EPB41: variants seen among roughly 807,000 people sequenced by gnomAD.
EPB41 encodes the protein erythrocyte membrane protein band 4.1.
EPB41 carries 65 observed loss-of-function variants against 108.0 expected under a neutral mutation model. The observed-to-expected ratio is 0.60, with a 90% CI of 0.49 to 0.74. The LOEUF (loss-of-function observed/expected upper bound fraction) is 0.74, where lower values mean the gene tolerates loss of function less well. EPB41 is among the 30% of genes least tolerant of loss of function. EPB41 has a pLI of 0.00. For synonymous variants in EPB41, 336 were observed against 358.9 expected (o/e 0.94, Z 0.72); for missense variants, 875 against 1,037.0 (o/e 0.84, Z 2.15).
In EPB41 at chr1:29,038,086, A is replaced by G. The variant is rs77075841; in HGVS notation, c.1464-1168A>G. Among the ~76,000 whole-genome samples the G allele has an allele frequency of 8.6e-3, 1,303 of 152,332 alleles. 11 individuals carry two copies. The highest frequency in any genetic ancestry group is 0.028 in the African/African-American group (1,164 of 41,576). On this transcript the variant is annotated intron_variant, in intron 10 of 20. Coordinates refer to ENST00000343067, the MANE Select transcript of EPB41 (RefSeq NM_001376013.1). Reference sequence around the variant, plus strand: ...AGAAAGAGAGAGAGAGATAATCCTGATATCTTTTCCTTCTATTTATATTTT... The same window carrying G: ...AGAAAGAGAGAGAGAGATAATCCTGGTATCTTTTCCTTCTATTTATATTTT...
Position 29,116,989 on chromosome 1 carries a change from C to T in EPB41, c.*177C>T, listed in dbSNP as rs1671127796. On this transcript the variant is annotated 3_prime_UTR_variant, in exon 21 of 21. Transcript: ENST00000343067. Reference sequence around the variant, plus strand: ...TATACCAAGAGATTCTTCTAGATCTCATTGATCCTTTTGAAGAGCTTTTTC... The same window carrying T: ...TATACCAAGAGATTCTTCTAGATCTTATTGATCCTTTTGAAGAGCTTTTTC... 6.6e-6 allele frequency: 1 copy of T among 152,198 alleles called. No individual in the cohort carries two copies. The highest frequency in any genetic ancestry group is 2.1e-4 in the South Asian group (1 of 4,830). The allele number at this position is 152,198 out of a possible 1,614,324, so 9.4% of individuals were successfully genotyped here. A position where few individuals can be genotyped will look rare whatever the true frequency, so the allele number is the denominator to read the frequency against.
Position 29,115,815 on chromosome 1 carries a change from TC to T in EPB41, c.*6+14del. On this transcript the variant is annotated intron_variant, in intron 20 of 20. Coordinates refer to ENST00000343067, the MANE Select transcript of EPB41 (RefSeq NM_001376013.1). The surrounding 1 kb of genome is among the most constrained non-coding windows in gnomAD (Gnocchi z 4.4). ...ATGAGTGAGCTCAGGTACTGGGCGTTCCTGCTGGGGCTGAGGGTGCCCACAG... is the reference window on the plus strand; with the variant it reads ...ATGAGTGAGCTCAGGTACTGGGCGTTCTGCTGGGGCTGAGGGTGCCCACAG... 6.2e-7 allele frequency: 1 copy of T among 1,605,928 alleles called. No individual in the cohort carries two copies. Among genetic ancestry groups the T allele is most frequent in the Non-Finnish European group, 8.5e-7 (1 of 1,172,780 alleles).
intron 16 of EPB41, chr1:29,069,861 A>T (rs1650463719): frequency 6.6e-6 from 1 of 152,198 alleles, no homozygotes; most frequent in South Asian, 2.1e-4. Flanking sequence ...TTTAGTAGAG[A>T]CGGGGTTTCA....
chr1:29,118,870 C>T lies in EPB41; in HGVS notation c.*2058C>T, dbSNP rs936735186. On this transcript the variant is annotated 3_prime_UTR_variant, in exon 21 of 21. Coordinates refer to ENST00000343067, the MANE Select transcript of EPB41 (RefSeq NM_001376013.1). ...GACAAGAAATGCAGCTTACATCAAA[C>T]GAACATGTAGTGCATGCCCACTGCC... 15 of 152,236 alleles carry T rather than the reference C, an allele frequency of 9.9e-5. No individual in the cohort carries two copies. The highest frequency in any genetic ancestry group is 6.2e-4 in the South Asian group (3 of 4,830). 9.4% of individuals were successfully genotyped at this position (152,236 alleles called of 1,614,324 possible). A position where few individuals can be genotyped will look rare whatever the true frequency, so the allele number is the denominator to read the frequency against.
At chr1:28,922,528 G>A (rs898392621) in intron 1 of EPB41, among the ~76,000 whole-genome samples, 11 of 151,902 alleles carry the variant, frequency 7.2e-5, no homozygotes, top group Admixed American at 4.6e-4. Flanking sequence ...GAACTCCCGG[G>A]CACAAGCAGT....
At chr1:28,972,260 A>G (rs1281669847) in intron 1 of EPB41, among the ~76,000 whole-genome samples, 5 of 152,182 alleles carry the variant, frequency 3.3e-5, no homozygotes, top group Admixed American at 6.5e-5. Context: ...ATAAAACTCA[A>G]TTCGGTGGAG....
chr1:28,891,386 G>C (rs1171327701), intron 1 of EPB41, among the ~76,000 whole-genome samples: 3 of 152,158 alleles, frequency 2.0e-5, no homozygotes, highest in Non-Finnish European at 4.4e-5. Context: ...AGGTTCAAAG[G>C]CTTGTCTGGG....
chr1:29,015,662 C>A, intron 5 of EPB41, 30 bp from the exon 6 acceptor site: 5 of 1,348,954 alleles, frequency 3.7e-6, no homozygotes, highest in Non-Finnish European at 5.3e-6. Context: ...TAGGTATAAA[C>A]GTAAAATTCT....
At position 28,951,957 on chromosome 1, in the gene EPB41, T is replaced by C. The variant is rs192643752; in HGVS notation, c.-7-35474T>C. ...GAATTGGCTTGAAAATTAGTGTTAC[T>C]GTTTGATCTTGATTTCAATCTATGG... On this transcript the variant is annotated intron_variant, in intron 1 of 20. Coordinates refer to ENST00000343067, the MANE Select transcript of EPB41 (RefSeq NM_001376013.1). Among the ~76,000 whole-genome samples, 9 of 152,340 alleles carry C rather than the reference T, an allele frequency of 5.9e-5. No individual in the cohort carries two copies. The East Asian group carries it at 1.5e-3, about 26-fold the overall frequency.
chr1:29,004,935 G>A (rs1253286867), intron 4 of EPB41, among the ~76,000 whole-genome samples: 1 of 152,168 alleles, frequency 6.6e-6, no homozygotes, highest in Non-Finnish European at 1.5e-5. Context: ...TTATGTGTAT[G>A]CGTGGGGGTT....
chr1:28,896,645 C>A (rs1046160002), intron 1 of EPB41, among the ~76,000 whole-genome samples: 1 of 152,212 alleles, frequency 6.6e-6, no homozygotes, highest in African/African-American at 2.4e-5. Flanking sequence ...TACACAACTG[C>A]CTGCACTTGG....
intron 17 of EPB41, among the ~76,000 whole-genome samples, chr1:29,100,537 A>C (rs1019306169): frequency 1.3e-5 from 2 of 148,384 alleles, no homozygotes; most frequent in Admixed American, 6.8e-5. Context: ...AGGGTTGGTC[A>C]CAGTGACTTT....
At chr1:29,079,289 G>A (rs1037496559) in intron 16 of EPB41, among the ~76,000 whole-genome samples, 1 of 151,802 alleles carries the variant, frequency 6.6e-6, no homozygotes, top group African/African-American at 2.4e-5. Flanking sequence ...GAGCCCCCTC[G>A]CCCCGCCAGA....
intron 1 of EPB41, among the ~76,000 whole-genome samples, chr1:28,921,153 C>T (rs945272722): frequency 6.6e-6 from 1 of 152,094 alleles, no homozygotes; most frequent in African/African-American, 2.4e-5. Context: ...TTTATGAATA[C>T]ATAGTATTAG....
chr1:28,944,048 T>C (rs1241958010), intron 1 of EPB41, among the ~76,000 whole-genome samples: 1 of 152,222 alleles, frequency 6.6e-6, no homozygotes, highest in African/African-American at 2.4e-5. Flanking sequence ...TGAGACCCTG[T>C]TATTTGCAAC....
chr1:29,080,635 C>G (rs889007065), intron 16 of EPB41, among the ~76,000 whole-genome samples: 1 of 152,150 alleles, frequency 6.6e-6, no homozygotes, highest in Non-Finnish European at 1.5e-5. Flanking sequence ...GCCATCCACC[C>G]TCCCCAGCCT....
chr1:29,018,510 G>C lies in EPB41; in HGVS notation c.1124+68G>C. ...TTAGTTTAAACACAACATGGTATTG[G>C]TTCATTGTTTGCCTAAGAGGGATCA... On this transcript the variant is annotated intron_variant, in intron 7 of 20. Coordinates refer to ENST00000343067, the MANE Select transcript of EPB41 (RefSeq NM_001376013.1). The surrounding 1 kb of genome is among the most constrained non-coding windows in gnomAD (Gnocchi z 4.4). 1 of 1,474,428 alleles carries C rather than the reference G, an allele frequency of 6.8e-7. No homozygotes were observed. The highest frequency in any genetic ancestry group is 9.5e-7 in the Non-Finnish European group (1 of 1,054,658). The allele number at this position is 1,474,428 out of a possible 1,614,324, so 91.3% of individuals were successfully genotyped here.
intron 7 of EPB41, among the ~76,000 whole-genome samples, chr1:29,019,538 A>AT (rs2096617090): frequency 2.6e-5 from 4 of 152,330 alleles, no homozygotes; most frequent in Admixed American, 2.6e-4. Flanking sequence ...CTGCCTTAGC[A>AT]TATTAATGTG....
At position 28,969,872 on chromosome 1, in the gene EPB41, G is replaced by A. The variant is rs528500345; in HGVS notation, c.-7-17559G>A. ...GCCAAGATCGTGCCGCTGTACTCCA[G>A]CCTGGGCGACAGAGCGAGACTCTGT... On this transcript the variant is annotated intron_variant, in intron 1 of 20. Transcript: ENST00000343067. Among the ~76,000 whole-genome samples, 14 of 152,304 alleles carry A rather than the reference G, an allele frequency of 9.2e-5. No homozygotes were observed. The South Asian group carries it at 2.7e-3, about 29-fold the overall frequency.
Sources: allele counts gnomAD v4.1 joint callset (sites outside exome capture counted in the v4.1 genomes callset), GRCh38; gene constraint gnomAD v4.1.1; non-coding constraint Gnocchi (gnomAD v3.1); transcripts MANE v1.5; gene names NCBI Gene and HGNC (gene_info 2026-07-23, HGNC 2026-07-21).